The following ASAP1 variants were observed in gnomAD, a reference collection of about 807,000 sequenced individuals.
ASAP1 encodes the protein arf-GAP with SH3 domain, ANK repeat and PH domain-containing protein 1.
In ASAP1, 43 loss-of-function variants were observed where a neutral mutation model predicts 145.2. The observed-to-expected ratio is 0.30, with a 90% confidence interval of 0.23 to 0.38. The LOEUF is 0.38. ASAP1 is among the 10% of genes least tolerant of loss of function. The pLI is 1.00. For missense variants in ASAP1, 1,018 were observed against 1,355.3 expected (o/e 0.75, Z 3.91); for synonymous variants, 546 against 515.5 (o/e 1.06, Z -0.80).
chr8:130,250,901 T>C (rs1819155460), intron 3 of ASAP1, among the ~76,000 whole-genome samples: 1 of 152,164 alleles, frequency 6.6e-6, no homozygotes, highest in Admixed American at 6.5e-5. Flanking sequence ...TGGAAAATAC[T>C]ACATTCTAAC....
chr8:130,121,584 C>T (rs1021930199), intron 18 of ASAP1, among the ~76,000 whole-genome samples: 6 of 151,880 alleles, frequency 4.0e-5, no homozygotes, highest in African/African-American at 9.7e-5. Flanking sequence ...GAGTTTGAGA[C>T]CAGCCTGATC....
intron 24 of ASAP1, among the ~76,000 whole-genome samples, chr8:130,107,057 C>T (rs530977639): frequency 2.0e-4 from 31 of 152,210 alleles, no homozygotes; most frequent in African/African-American, 7.5e-4. Context: ...GCAAGGTAGA[C>T]ACCTAATCCT....
chr8:130,337,349 T>C (rs576618179), intron 3 of ASAP1, among the ~76,000 whole-genome samples: 1 of 152,344 alleles, frequency 6.6e-6, no homozygotes, highest in East Asian at 1.9e-4. Context: ...TGGGTTGATT[T>C]CCTGTACCAC....
At chr8:130,408,167 A>G (rs1829115094) in intron 1 of ASAP1, among the ~76,000 whole-genome samples, 1 of 152,196 alleles carries the variant, frequency 6.6e-6, no homozygotes, top group South Asian at 2.1e-4. Context: ...GCTAATAACC[A>G]TAGCAACCCC....
chr8:130,140,308 C>T (rs1406386353), intron 13 of ASAP1, among the ~76,000 whole-genome samples: 2 of 151,754 alleles, frequency 1.3e-5, no homozygotes, highest in Admixed American at 6.6e-5. Flanking sequence ...AGATTATAGG[C>T]GTGAGGCACC....
intron 24 of ASAP1, among the ~76,000 whole-genome samples, chr8:130,098,626 G>A (rs1205780840): frequency 6.6e-6 from 1 of 152,120 alleles, no homozygotes; most frequent in Non-Finnish European, 1.5e-5. Context: ...GAGATTACAG[G>A]TGTGAGCCAC....
At chr8:130,177,036 C>T (rs1344133853) in intron 9 of ASAP1, among the ~76,000 whole-genome samples, 2 of 152,110 alleles carry the variant, frequency 1.3e-5, no homozygotes, top group Non-Finnish European at 2.9e-5. Flanking sequence ...CTGTCCAGCC[C>T]CATTATGATT....
chr8:130,381,203 A>G (rs1011068255), intron 2 of ASAP1, among the ~76,000 whole-genome samples: 3 of 151,926 alleles, frequency 2.0e-5, no homozygotes, highest in Non-Finnish European at 4.4e-5. Flanking sequence ...CTTTTTAAAT[A>G]TCTTTTGTAG....
intron 27 of ASAP1, among the ~76,000 whole-genome samples, chr8:130,064,842 G>C (rs900129908): frequency 6.6e-6 from 1 of 151,898 alleles, no homozygotes; most frequent in African/African-American, 2.4e-5. Flanking sequence ...TTGCTAGAGT[G>C]GTTCACAGAA....
chr8:130,338,567 T>C (rs1248955234), intron 3 of ASAP1, among the ~76,000 whole-genome samples: 5 of 152,254 alleles, frequency 3.3e-5, no homozygotes, highest in Non-Finnish European at 5.9e-5. Context: ...GTATCTTTAA[T>C]GACTCTAGCT....
chr8:130,212,541 G>A (rs76428972), intron 5 of ASAP1, among the ~76,000 whole-genome samples: 2,925 of 152,142 alleles, frequency 0.019, 84 homozygotes, highest in African/African-American at 0.067. Context: ...CATACTAATA[G>A]GGTAAATGAA....
intron 3 of ASAP1, among the ~76,000 whole-genome samples, chr8:130,265,758 T>C (rs2137021308): frequency 6.6e-6 from 1 of 152,082 alleles, no homozygotes; most frequent in South Asian, 2.1e-4. Context: ...AAGCCTGTGG[T>C]CCCAAGTACT....
intron 3 of ASAP1, among the ~76,000 whole-genome samples, chr8:130,310,896 T>G (rs1176539351): frequency 2.0e-5 from 3 of 152,230 alleles, no homozygotes; most frequent in African/African-American, 7.2e-5. Flanking sequence ...ATGTTTAAGT[T>G]ACACTTTGAG....
At chr8:130,151,311 CAGTGAGCCA>C (rs975352344) in intron 13 of ASAP1, among the ~76,000 whole-genome samples, 1 of 125,350 alleles carries the variant, frequency 8.0e-6, no homozygotes, top group Non-Finnish European at 1.6e-5. Context: ...ATGGAGGTTA[CAGTGAGCCA>C]AGACTGCACC....
intron 27 of ASAP1, among the ~76,000 whole-genome samples, chr8:130,065,813 C>A (rs2097429519): frequency 6.6e-6 from 1 of 152,204 alleles, no homozygotes; most frequent in South Asian, 2.1e-4. Context: ...TGAAGTCACA[C>A]AAACACTTTC....
intron 1 of ASAP1, among the ~76,000 whole-genome samples, chr8:130,409,885 C>T (rs922274657): frequency 1.3e-5 from 2 of 152,318 alleles, no homozygotes; most frequent in African/African-American, 4.8e-5. Flanking sequence ...GGCACTGGGC[C>T]TGACAGTGAG....
intron 1 of ASAP1, among the ~76,000 whole-genome samples, chr8:130,402,923 T>G (rs1461438277): frequency 1.6e-5 from 1 of 62,266 alleles, no homozygotes; most frequent in Non-Finnish European, 3.1e-5. Context: ...TTGTGGGGTT[T>G]TTTTTTTTTT....
Position 130,401,938 on chromosome 8 carries a change from T to A in ASAP1, c.6A>T (p.Arg2Ser), listed in dbSNP as rs1565285711. Reference sequence around the variant, plus strand: ...AACTGGAGAGCCTGGAGGCTGAAGATCTCATGTCTCAGCCGTCACATCAGA... The same window carrying A: ...AACTGGAGAGCCTGGAGGCTGAAGAACTCATGTCTCAGCCGTCACATCAGA... The part of the protein sequence containing the change: M[R>S]SSASRLSSFS... Residue 2 changes from arginine to serine, a missense_variant, in exon 2 of 30, where the codon AGA becomes AGT. Transcript: ENST00000518721. The A allele has an allele frequency of 1.2e-6, 2 of 1,613,250 alleles. No homozygotes were observed. The highest frequency in any genetic ancestry group is 1.7e-6 in the Non-Finnish European group (2 of 1,179,888).
At chr8:130,115,458 T>A (rs2097553784) in intron 23 of ASAP1, 170 bp downstream of exon 23, 1 of 611,872 alleles carries the variant, frequency 1.6e-6, no homozygotes, top group African/African-American at 1.8e-5. Context: ...CTGGACAACC[T>A]TAATATAGCT....
Sources: gnomAD v4.1 joint callset for allele counts (sites outside exome capture counted in the v4.1 genomes callset) on GRCh38, gnomAD v4.1.1 for gene constraint, MANE v1.5 for transcripts, NCBI Gene and HGNC (gene_info 2026-07-23, HGNC 2026-07-21) for gene names.